The following MPPED2 variants were observed in gnomAD, a reference collection of about 807,000 sequenced individuals.
The protein encoded by MPPED2 is metallophosphoesterase domain containing 2.
In MPPED2, 5 loss-of-function variants were observed where a neutral mutation model predicts 33.0. The ratio of observed to expected loss-of-function variants is 0.15; its 90% CI spans 0.08 to 0.32. MPPED2 has a LOEUF of 0.32. MPPED2 is among the 10% of genes least tolerant of loss of function. The probability of loss-of-function intolerance (pLI) is 1.00; values close to 1 mark genes in which losing one functional copy is unlikely to be tolerated. For missense variants in MPPED2, 275 were observed against 372.1 expected (o/e 0.74, Z 2.15); for synonymous variants, 136 against 141.9 (o/e 0.96, Z 0.29).
At chr11:30,571,520 G>T in intron 2 of MPPED2, among the ~76,000 whole-genome samples, 1 of 152,120 alleles carries the variant, frequency 6.6e-6, no homozygotes, top group Non-Finnish European at 1.5e-5. Context: ...CAAGATGGTG[G>T]TCTGCAAAAT....
intron 4 of MPPED2, among the ~76,000 whole-genome samples, chr11:30,463,430 C>T (rs1950585206): frequency 6.6e-6 from 1 of 152,180 alleles, no homozygotes; most frequent in Non-Finnish European, 1.5e-5. Context: ...CAAGATGGCA[C>T]TTGTGACCCA....
chr11:30,397,600 G>GAGCT (rs2133703603), intron 6 of MPPED2, among the ~76,000 whole-genome samples: 1 of 152,216 alleles, frequency 6.6e-6, no homozygotes, highest in East Asian at 1.9e-4. Flanking sequence ...ATAAATGCTT[G>GAGCT]ATAGTAGTAG....
chr11:30,473,362 T>A (rs1055624953), intron 4 of MPPED2, among the ~76,000 whole-genome samples: 1 of 152,196 alleles, frequency 6.6e-6, no homozygotes, highest in South Asian at 2.1e-4. Flanking sequence ...GAACATAAAC[T>A]CCATCTTGCC....
At chr11:30,468,481 G>T (rs549285286) in intron 4 of MPPED2, among the ~76,000 whole-genome samples, 1 of 152,114 alleles carries the variant, frequency 6.6e-6, no homozygotes, top group African/African-American at 2.4e-5. Context: ...ACTTTTTGAT[G>T]ATGACTAGTC....
intron 5 of MPPED2, among the ~76,000 whole-genome samples, chr11:30,416,300 T>C (rs377297662): frequency 1.3e-5 from 2 of 152,252 alleles, no homozygotes; most frequent in African/African-American, 4.8e-5. Context: ...TGTGCCACTA[T>C]GGCCTCCGCC....
chr11:30,434,748 C>T (rs1169515197), intron 4 of MPPED2, among the ~76,000 whole-genome samples: 1 of 152,172 alleles, frequency 6.6e-6, no homozygotes, highest in East Asian at 1.9e-4. Flanking sequence ...TGATACCTTT[C>T]CGTTTTGTTG....
chr11:30,518,437 G>A (rs891422538), intron 3 of MPPED2, among the ~76,000 whole-genome samples: 7 of 152,204 alleles, frequency 4.6e-5, no homozygotes, highest in African/African-American at 1.7e-4. Flanking sequence ...TGTTTCACAA[G>A]CATCTTTATG....
At chr11:30,571,998 C>T (rs1392052987) in intron 2 of MPPED2, among the ~76,000 whole-genome samples, 1 of 152,140 alleles carries the variant, frequency 6.6e-6, no homozygotes, top group Admixed American at 6.5e-5. Context: ...TAGATTCAGT[C>T]TGTAAGGAGA....
rs183063225 is a variant in MPPED2 at position 30,449,780 on chromosome 11, C to G, written c.537-32147G>C. ...CTAAACCAAGATAAAGAGAGATACC[C>G]TATCATGAGAAGTGAGGAGCCAGCA... is the stretch of plus-strand genomic sequence containing the variant. On this transcript the variant is annotated intron_variant, in intron 4 of 6. Coordinates refer to ENST00000358117, the MANE Select transcript of MPPED2 (RefSeq NM_001584.3). Among the ~76,000 whole-genome samples, 126 of 152,242 alleles carry G rather than the reference C, an allele frequency of 8.3e-4. 1 individual carries two copies. The highest frequency in any genetic ancestry group is 3.0e-3 in the African/African-American group (123 of 41,542).
intron 2 of MPPED2, among the ~76,000 whole-genome samples, chr11:30,565,960 C>T (rs1956423769): frequency 6.6e-6 from 1 of 151,890 alleles, no homozygotes; most frequent in Admixed American, 6.6e-5. Flanking sequence ...GTATTTAACC[C>T]AAATCACAGA....
intron 6 of MPPED2, among the ~76,000 whole-genome samples, chr11:30,412,873 T>A (rs911085170): frequency 6.6e-6 from 1 of 152,212 alleles, no homozygotes; most frequent in Non-Finnish European, 1.5e-5. Flanking sequence ...TGCAAACTCA[T>A]AGGCATGCTG....
intron 2 of MPPED2, among the ~76,000 whole-genome samples, chr11:30,542,020 T>G (rs1955148743): frequency 6.6e-6 from 1 of 152,220 alleles, no homozygotes; most frequent in African/African-American, 2.4e-5. Flanking sequence ...ACATACTATT[T>G]GATAAAGACA....
At chr11:30,509,497 G>A (rs1189121370) in intron 3 of MPPED2, among the ~76,000 whole-genome samples, 1 of 152,140 alleles carries the variant, frequency 6.6e-6, no homozygotes, top group East Asian at 1.9e-4. Context: ...TCATCTGAAA[G>A]TTTTCACCCC....
rs1565162300 is a variant in MPPED2 at position 30,536,073 on chromosome 11, A to G, written c.231T>C (p.Tyr77=). 1.9e-6 allele frequency: 3 copies of G among 1,613,660 alleles called. No individual in the cohort carries two copies. Among genetic ancestry groups the G allele is most frequent in the African/African-American group, 2.7e-5 (2 of 74,896 alleles). The change falls in exon 3 of 7, where the codon TAT becomes TAC. Residue 77 remains tyrosine, a synonymous_variant. Transcript: ENST00000358117. ...CGCCTGTGTGGAGAAGGATGTCCCC[A>G]TAAGGCATCTGGATACCATCTGTTC... is the stretch of plus-strand genomic sequence containing the variant. The part of the protein sequence containing the change: ...HSRTDGIQMP[Y]GDILLHTGDF...
intron 5 of MPPED2, among the ~76,000 whole-genome samples, chr11:30,414,832 G>A (rs1019205315): frequency 5.3e-5 from 8 of 152,246 alleles, no homozygotes; most frequent in Admixed American, 2.0e-4. Flanking sequence ...TTGTGGTTCC[G>A]GATGACCAAA....
intron 4 of MPPED2, among the ~76,000 whole-genome samples, chr11:30,466,430 G>A (rs1950708922): frequency 6.6e-6 from 1 of 152,218 alleles, no homozygotes; most frequent in South Asian, 2.1e-4. Flanking sequence ...GAAAGGAAGA[G>A]GTGCTGCTCA....
At chr11:30,520,086 G>A (rs928771765) in intron 3 of MPPED2, among the ~76,000 whole-genome samples, 1 of 152,146 alleles carries the variant, frequency 6.6e-6, no homozygotes, top group Non-Finnish European at 1.5e-5. Context: ...AGAAGGATAA[G>A]TGAGATTCAT....
intron 4 of MPPED2, among the ~76,000 whole-genome samples, chr11:30,467,104 T>C (rs1950742106): frequency 6.6e-6 from 1 of 152,196 alleles, no homozygotes; most frequent in Non-Finnish European, 1.5e-5. Context: ...GGGGTGTTTG[T>C]ATGTGATGGT....
intron 4 of MPPED2, among the ~76,000 whole-genome samples, chr11:30,490,961 T>A (rs1436872575): frequency 6.6e-6 from 1 of 152,238 alleles, no homozygotes; most frequent in Non-Finnish European, 1.5e-5. Context: ...CTTATTTTGA[T>A]TTCTATTTTT....
Sources: gnomAD v4.1 joint callset for allele counts (sites outside exome capture counted in the v4.1 genomes callset) on GRCh38, gnomAD v4.1.1 for gene constraint, MANE v1.5 for transcripts, NCBI Gene and HGNC (gene_info 2026-07-23, HGNC 2026-07-21) for gene names.